Variants in CCDC138 observed in about 807,000 individuals in gnomAD.
CCDC138 encodes coiled-coil domain-containing protein 138.
In CCDC138, 66 loss-of-function variants were observed where a neutral mutation model predicts 82.3. That is an observed-to-expected ratio of 0.80 (90% CI 0.66 to 0.98). The LOEUF is 0.98. Among genes scored for constraint, CCDC138 ranks in the 50% least tolerant of loss-of-function variants. The pLI is 0.00. For synonymous variants in CCDC138, 297 were observed against 265.4 expected (o/e 1.12, Z -1.16); for missense variants, 816 against 758.9 (o/e 1.08, Z -0.88).
At chr2:108,855,614 ATGTTGG>A (rs1461011143) in intron 12 of CCDC138, among the ~76,000 whole-genome samples, 1 of 152,196 alleles carries the variant, frequency 6.6e-6, no homozygotes, top group Non-Finnish European at 1.5e-5. Context: ...AAGTACAGTA[ATGTTGG>A]TGTTCCTTGA....
At position 108,853,884 on chromosome 2, in the gene CCDC138, T is replaced by TAC. The variant is rs1558736968; in HGVS notation, c.1517-2910_1517-2909insAC. 7.3e-5 allele frequency among the ~76,000 whole-genome samples: 9 copies of TAC among 123,454 alleles called. No homozygotes were observed. The South Asian group carries it at 2.0e-3, about 28-fold the overall frequency. The allele number at this position is 123,454 out of a possible 152,430, so 81.0% of individuals were successfully genotyped here. A position where few individuals can be genotyped will look rare whatever the true frequency, so the allele number is the denominator to read the frequency against. Reference sequence around the variant, plus strand: ...TATAATATATATACTATATAATATATTATATAGTATATATATTATATATTA... The same window carrying TAC: ...TATAATATATATACTATATAATATATACTATATAGTATATATATTATATATTA... On this transcript the variant is annotated intron_variant, in intron 12 of 14. Transcript: ENST00000295124.
At chr2:108,847,358 C>T (rs891912123) in intron 12 of CCDC138, among the ~76,000 whole-genome samples, 3 of 152,200 alleles carry the variant, frequency 2.0e-5, no homozygotes, top group African/African-American at 7.2e-5. Flanking sequence ...CTTTGCCCTA[C>T]AGTGACAGAG....
At chr2:108,810,885 T>C (rs763904508) in intron 7 of CCDC138, among the ~76,000 whole-genome samples, 6 of 152,192 alleles carry the variant, frequency 3.9e-5, no homozygotes, top group Non-Finnish European at 5.9e-5. Flanking sequence ...TGTTCTAGTT[T>C]TCTGTTTCTT....
chr2:108,828,769 G>T (rs969449248), intron 10 of CCDC138, among the ~76,000 whole-genome samples: 5 of 152,142 alleles, frequency 3.3e-5, no homozygotes, highest in African/African-American at 1.2e-4. Context: ...ACCAGGTCAG[G>T]AGTTCGAGAC....
At chr2:108,862,638 A>G (rs1480109787) in intron 13 of CCDC138, among the ~76,000 whole-genome samples, 2 of 152,204 alleles carry the variant, frequency 1.3e-5, no homozygotes, top group Non-Finnish European at 1.5e-5. Context: ...TACATACTAC[A>G]TGATATTGAA....
intron 5 of CCDC138, among the ~76,000 whole-genome samples, chr2:108,795,365 A>C (rs1026645514): frequency 3.3e-5 from 5 of 152,050 alleles, no homozygotes; most frequent in African/African-American, 1.2e-4. Context: ...CATGTTGGCT[A>C]GGCTGGTCTT....
chr2:108,788,597 G>C (rs898301847), intron 2 of CCDC138, among the ~76,000 whole-genome samples: 1 of 151,748 alleles, frequency 6.6e-6, no homozygotes, highest in Admixed American at 6.6e-5. Context: ...GCGGGCTCCT[G>C]TAGTCCCGGC....
intron 10 of CCDC138, among the ~76,000 whole-genome samples, chr2:108,826,835 G>T (rs1030810722): frequency 1.3e-5 from 2 of 152,202 alleles, no homozygotes; most frequent in African/African-American, 4.8e-5. Context: ...AATTTGAGAA[G>T]TCTTGGCATC....
At chr2:108,808,587 G>A (rs991030694) in intron 7 of CCDC138, among the ~76,000 whole-genome samples, 1 of 152,066 alleles carries the variant, frequency 6.6e-6, no homozygotes, top group African/African-American at 2.4e-5. Flanking sequence ...TCATGGTTTC[G>A]ATTTGCATTA....
intron 12 of CCDC138, among the ~76,000 whole-genome samples, chr2:108,852,490 C>T (rs978993308): frequency 1.3e-5 from 2 of 152,054 alleles, no homozygotes; most frequent in Non-Finnish European, 1.5e-5. Flanking sequence ...AGCAAAGTCA[C>T]GGAATCAACC....
In CCDC138 at chr2:108,873,536, T is replaced by C; in HGVS notation, c.1779T>C (p.Asp593=). 1 of 1,612,324 alleles carries C rather than the reference T, an allele frequency of 6.2e-7. No individual in the cohort carries two copies. ...CSVLLRAPKL[D]LQILEKLSII... ...TGCTGCTTCGAGCCCCTAAGCTTGA[T>C]CTTCAAATACTAGAAAAACTCAGTA... The change falls in exon 14 of 15, where the codon GAT becomes GAC. Residue 593 remains aspartate (D), a synonymous_variant. Coordinates refer to ENST00000295124, the MANE Select transcript of CCDC138 (RefSeq NM_144978.3).
chr2:108,820,373 T>C (rs1685476046), intron 10 of CCDC138, among the ~76,000 whole-genome samples: 1 of 152,080 alleles, frequency 6.6e-6, no homozygotes, highest in Admixed American at 6.5e-5. Context: ...ATGTAAGTCT[T>C]GGAATGAGAA....
At chr2:108,841,290 G>A (rs1689437122) in intron 11 of CCDC138, among the ~76,000 whole-genome samples, 2 of 152,310 alleles carry the variant, frequency 1.3e-5, no homozygotes, top group Admixed American at 1.3e-4. Context: ...GGTTGATGGT[G>A]TTTGTGAGTT....
At chr2:108,850,698 G>A (rs994615295) in intron 12 of CCDC138, among the ~76,000 whole-genome samples, 1 of 152,034 alleles carries the variant, frequency 6.6e-6, no homozygotes, top group Non-Finnish European at 1.5e-5. Flanking sequence ...TGATCTGCCC[G>A]CCTCAACCTC....
At chr2:108,806,633 G>A (rs918156391) in intron 7 of CCDC138, among the ~76,000 whole-genome samples, 5 of 152,114 alleles carry the variant, frequency 3.3e-5, no homozygotes, top group Non-Finnish European at 5.9e-5. Context: ...AATAAGTAAC[G>A]AGCGTGGCTG....
intron 11 of CCDC138, among the ~76,000 whole-genome samples, chr2:108,845,429 A>G (rs1413885293): frequency 6.6e-6 from 1 of 152,146 alleles, no homozygotes; most frequent in Non-Finnish European, 1.5e-5. Flanking sequence ...ACAAATTTTC[A>G]TGCAGATAGG....
intron 3 of CCDC138, among the ~76,000 whole-genome samples, chr2:108,789,957 A>G (rs1679628883): frequency 6.6e-6 from 1 of 152,254 alleles, no homozygotes; most frequent in Non-Finnish European, 1.5e-5. Flanking sequence ...ATCCATATAT[A>G]ACATGAAATG....
chr2:108,861,962 A>C (rs918475368), intron 13 of CCDC138, among the ~76,000 whole-genome samples: 2 of 152,026 alleles, frequency 1.3e-5, no homozygotes, highest in African/African-American at 4.8e-5. Context: ...CCCAAAAGTC[A>C]TTCGGGAGTA....
chr2:108,822,688 C>G (rs1004569481), intron 10 of CCDC138, among the ~76,000 whole-genome samples: 3 of 152,282 alleles, frequency 2.0e-5, no homozygotes, highest in South Asian at 2.1e-4. Context: ...AAAACTCACT[C>G]TACAGCAACC....
Sources: allele counts gnomAD v4.1 joint callset (sites outside exome capture counted in the v4.1 genomes callset), GRCh38; gene constraint gnomAD v4.1.1; transcripts MANE v1.5; gene names NCBI Gene and HGNC (gene_info 2026-07-23, HGNC 2026-07-21).